NXPE3: variants seen among roughly 807,000 people sequenced by gnomAD.
The protein encoded by NXPE3 is neurexophilin and PC-esterase domain family member 3, also known as NXPE family member 3.
NXPE3 carries 26 observed loss-of-function variants against 46.1 expected under a neutral mutation model. The ratio of observed to expected loss-of-function variants is 0.56; its 90% CI spans 0.41 to 0.78. The LOEUF (loss-of-function observed/expected upper bound fraction) is 0.78, where lower values mean the gene tolerates loss of function less well. Ranked by LOEUF, NXPE3 falls within the 30% of genes least tolerant of loss-of-function variation. NXPE3 has a pLI of 0.00. For synonymous variants in NXPE3, 272 were observed against 257.9 expected (o/e 1.05, Z -0.52); for missense variants, 620 against 686.0 (o/e 0.90, Z 1.07).
intron 6 of NXPE3, among the ~76,000 whole-genome samples, chr3:101,807,615 C>T (rs1025298564): frequency 1.3e-5 from 2 of 151,834 alleles, no homozygotes; most frequent in East Asian, 1.9e-4. Context: ...TGTGCACGGC[C>T]GAGTTTTGCT....
At chr3:101,804,111 T>G (rs1941298426) in intron 5 of NXPE3, among the ~76,000 whole-genome samples, 1 of 152,220 alleles carries the variant, frequency 6.6e-6, no homozygotes, top group African/African-American at 2.4e-5. Flanking sequence ...TCATAATTGT[T>G]TTGAAATATA....
chr3:101,785,638 G>A lies in NXPE3; in HGVS notation c.42G>A (p.Leu14=). The A allele has an allele frequency of 6.2e-7, 1 of 1,614,078 alleles. No individual in the cohort carries two copies. Among genetic ancestry groups the A allele is most frequent in the Non-Finnish European group, 8.5e-7 (1 of 1,179,980 alleles). Residue 14 remains leucine (L), a synonymous_variant, in exon 4 of 8, where the codon CTG becomes CTA. Coordinates refer to ENST00000273347, the MANE Select transcript of NXPE3 (RefSeq NM_145037.4). ...NFFKLRLFCC[L]LAVLMVVVLV... ...TCAAACTACGGCTTTTCTGCTGTCTGCTTGCAGTGTTGATGGTGGTGGTGC... is the reference window on the plus strand; with the variant it reads ...TCAAACTACGGCTTTTCTGCTGTCTACTTGCAGTGTTGATGGTGGTGGTGC...
Position 101,807,072 on chromosome 3 carries a change from C to T in NXPE3, c.868C>T (p.Pro290Ser). The change falls in exon 6 of 8, where the codon CCA (proline) becomes TCA (serine). Residue 290 changes from proline (P) to serine (S), a missense_variant. By Grantham distance (74) the Pro-to-Ser change is moderately conservative. Coordinates refer to ENST00000273347, the MANE Select transcript of NXPE3 (RefSeq NM_145037.4). Reference sequence around the variant, plus strand: ...TTAAAGTGGTGTCAATATCAAAATGCCAGTCAACTCCAGTGGACCTGATTG... The same window carrying T: ...TTAAAGTGGTGTCAATATCAAAATGTCAGTCAACTCCAGTGGACCTGATTG... ...FFQSGVNIKM[P>S]VNSSGPDWVT... 1.9e-6 allele frequency: 3 copies of T among 1,612,752 alleles called. No individual in the cohort carries two copies. The highest frequency in any genetic ancestry group is 2.5e-6 in the Non-Finnish European group (3 of 1,178,914).
chr3:101,790,146 A>T (rs535137263), intron 4 of NXPE3, among the ~76,000 whole-genome samples: 3 of 152,216 alleles, frequency 2.0e-5, no homozygotes, highest in Non-Finnish European at 4.4e-5. Flanking sequence ...ATGGCACAAA[A>T]TATGGTCTAT....
At chr3:101,780,170 A>G (rs1939727332) in intron 1 of NXPE3, among the ~76,000 whole-genome samples, 1 of 152,242 alleles carries the variant, frequency 6.6e-6, no homozygotes, top group Admixed American at 6.5e-5. Context: ...ATCATTTGGA[A>G]CATCAGGATA....
intron 4 of NXPE3, among the ~76,000 whole-genome samples, chr3:101,790,428 A>G (rs1004828270): frequency 3.3e-5 from 5 of 152,166 alleles, no homozygotes; most frequent in African/African-American, 9.7e-5. Flanking sequence ...ATAAATGTTT[A>G]GAATTGTGTC....
At chr3:101,818,214 G>C (rs755382937) in intron 7 of NXPE3, among the ~76,000 whole-genome samples, 58 of 152,146 alleles carry the variant, frequency 3.8e-4, no homozygotes, top group Non-Finnish European at 6.6e-4. Flanking sequence ...TAGAAGGAAA[G>C]GGGAAGTAGA....
chr3:101,802,624 G>C (rs1941225461), intron 5 of NXPE3, among the ~76,000 whole-genome samples: 1 of 151,896 alleles, frequency 6.6e-6, no homozygotes, highest in African/African-American at 2.4e-5. Context: ...ACATTGCTGG[G>C]TTGACTTAAT....
rs1942437077 is a variant in NXPE3, at chr3:101,825,166, T to G, written c.*3212T>G. 1 of 152,140 alleles carries G rather than the reference T, an allele frequency of 6.6e-6. No individual in the cohort carries two copies. 9.4% of individuals were successfully genotyped at this position (152,140 alleles called of 1,614,324 possible). On this transcript the variant is annotated 3_prime_UTR_variant, in exon 8 of 8. Transcript: ENST00000273347. ...CTCTCCCTCCTCCTACCCTCCACCC[T>G]CCAATAGACCCCAGTGTGTGTTGTT...
intron 6 of NXPE3, among the ~76,000 whole-genome samples, chr3:101,807,821 C>T (rs1053094547): frequency 2.0e-5 from 3 of 152,008 alleles, no homozygotes; most frequent in Non-Finnish European, 2.9e-5. Flanking sequence ...ATGTAGACAG[C>T]ATTTTATGTA....
chr3:101,809,776 T>C (rs1034691615), intron 6 of NXPE3, among the ~76,000 whole-genome samples: 3 of 152,230 alleles, frequency 2.0e-5, no homozygotes, highest in African/African-American at 4.8e-5. Flanking sequence ...GGGAACACTT[T>C]CAGTTTGGCT....
intron 4 of NXPE3, among the ~76,000 whole-genome samples, chr3:101,797,275 A>G (rs1223498863): frequency 1.3e-5 from 2 of 152,152 alleles, no homozygotes; most frequent in Non-Finnish European, 2.9e-5. Flanking sequence ...GAACTTTACA[A>G]GGTATCTCCT....
chr3:101,803,812 G>A (rs542903119), intron 5 of NXPE3, among the ~76,000 whole-genome samples: 1 of 152,272 alleles, frequency 6.6e-6, no homozygotes, highest in South Asian at 2.1e-4. Context: ...TAGAAATGTG[G>A]TTTCACTATG....
chr3:101,809,623 T>C (rs1040364562), intron 6 of NXPE3, among the ~76,000 whole-genome samples: 1 of 152,252 alleles, frequency 6.6e-6, no homozygotes, highest in Non-Finnish European at 1.5e-5. Context: ...TTGTCCCTTC[T>C]TCATTTTAAG....
At position 101,808,826 on chromosome 3, in the gene NXPE3, T is replaced by G. The variant is rs1188605952; in HGVS notation, c.922+1700T>G. Among the ~76,000 whole-genome samples the G allele has an allele frequency of 4.3e-5, 4 of 92,734 alleles. 1 individual carries two copies. Among genetic ancestry groups the G allele is most frequent in the African/African-American group, 9.3e-5 (2 of 21,600 alleles). 60.8% of individuals were successfully genotyped at this position (92,734 alleles called of 152,430 possible). On this transcript the variant is annotated intron_variant, in intron 6 of 7. Transcript: ENST00000273347. ...AATTACTAATTTTAGAGGATATATA[T>G]ATATATATATATATATATATATATA...
intron 4 of NXPE3, among the ~76,000 whole-genome samples, chr3:101,796,793 A>G (rs745698421): frequency 1.3e-5 from 2 of 152,246 alleles, no homozygotes; most frequent in Non-Finnish European, 2.9e-5. Flanking sequence ...AAAATACAGA[A>G]TCTAAGAAGA....
intron 6 of NXPE3, among the ~76,000 whole-genome samples, chr3:101,808,818 G>GATATATATATATATATATAT (rs58006464): frequency 6.5e-4 from 20 of 30,802 alleles, no homozygotes; most frequent in Non-Finnish European, 7.7e-4. Flanking sequence ...AATTTTAGAG[G>GATATATATATATATATATAT]ATATATATAT....
At chr3:101,813,460 C>A (rs1399300605) in intron 6 of NXPE3, among the ~76,000 whole-genome samples, 1 of 152,114 alleles carries the variant, frequency 6.6e-6, no homozygotes, top group Non-Finnish European at 1.5e-5. Flanking sequence ...TTTGTTCCAT[C>A]TTTGGCCCAG....
intron 7 of NXPE3, among the ~76,000 whole-genome samples, chr3:101,817,454 G>T (rs73863400): frequency 6.6e-6 from 1 of 152,190 alleles, no homozygotes; most frequent in East Asian, 1.9e-4. Flanking sequence ...ACCTATGGTA[G>T]TCCATATTGC....
Sources: gnomAD v4.1 joint callset for allele counts (sites outside exome capture counted in the v4.1 genomes callset) on GRCh38, gnomAD v4.1.1 for gene constraint, MANE v1.5 for transcripts, NCBI Gene and HGNC (gene_info 2026-07-23, HGNC 2026-07-21) for gene names.